Variants in CTNNA3 observed in about 807,000 individuals in gnomAD.
CTNNA3 encodes catenin alpha-3.
In CTNNA3, 76 loss-of-function variants were observed where a neutral mutation model predicts 95.7. The ratio of observed to expected loss-of-function variants is 0.79; its 90% CI spans 0.66 to 0.96. CTNNA3 has a LOEUF of 0.96. Among genes scored for constraint, CTNNA3 ranks in the 40% least tolerant of loss-of-function variants. The pLI, the probability that CTNNA3 is intolerant of heterozygous loss-of-function variation, is 0.00. For synonymous variants in CTNNA3, 431 were observed against 374.4 expected (o/e 1.15, Z -1.74); for missense variants, 1,191 against 1,089.8 (o/e 1.09, Z -1.31).
At chr10:66,161,987 C>A (rs958583170) in intron 13 of CTNNA3, among the ~76,000 whole-genome samples, 6 of 152,006 alleles carry the variant, frequency 3.9e-5, no homozygotes, top group Non-Finnish European at 8.8e-5. Flanking sequence ...TTGTTCAATT[C>A]TATTGATGAG....
In CTNNA3 at chr10:67,675,726, G is replaced by C. The variant is rs141503452; in HGVS notation, c.-6+20274C>G. On this transcript the variant is annotated intron_variant, in intron 1 of 17. Coordinates refer to ENST00000433211, the MANE Select transcript of CTNNA3 (RefSeq NM_013266.4). ...AGGAATTGCAAAGACACATGGCAAA[G>C]GGGATGGATATAGGGAGCAAGAGGA... Among the ~76,000 whole-genome samples, 109 of 152,270 alleles carry C rather than the reference G, an allele frequency of 7.2e-4. 2 individuals carry two copies. The East Asian group carries it at 0.018, about 25-fold the overall frequency.
chr10:67,166,536 G>T (rs1292008842), intron 7 of CTNNA3, among the ~76,000 whole-genome samples: 1 of 152,058 alleles, frequency 6.6e-6, no homozygotes, highest in Non-Finnish European at 1.5e-5. Flanking sequence ...CTTTGTAATA[G>T]AATCCATTAA....
At chr10:66,772,044 C>T (rs1443949155) in intron 8 of CTNNA3, among the ~76,000 whole-genome samples, 1 of 151,680 alleles carries the variant, frequency 6.6e-6, no homozygotes, top group African/African-American at 2.4e-5. Flanking sequence ...TCAAGCTGTA[C>T]AAGTCATATG....
intron 14 of CTNNA3, among the ~76,000 whole-genome samples, chr10:66,081,251 G>A (rs945976852): frequency 6.6e-6 from 1 of 152,130 alleles, no homozygotes; most frequent in Non-Finnish European, 1.5e-5. Context: ...TGACAAATTA[G>A]TTGAGTATGA....
At chr10:66,693,162 A>G (rs891854735) in intron 9 of CTNNA3, among the ~76,000 whole-genome samples, 2 of 152,162 alleles carry the variant, frequency 1.3e-5, no homozygotes, top group Non-Finnish European at 2.9e-5. Context: ...AAAGACACAG[A>G]CTGGCAAACT....
At chr10:66,937,594 G>A (rs1259092277) in intron 7 of CTNNA3, among the ~76,000 whole-genome samples, 1 of 152,044 alleles carries the variant, frequency 6.6e-6, no homozygotes, top group Non-Finnish European at 1.5e-5. Context: ...AGGGCATCTG[G>A]GCACGTAGTT....
chr10:66,554,678 T>C lies in CTNNA3; in HGVS notation c.1375-33905A>G, dbSNP rs184171501. Among the ~76,000 whole-genome samples, 9 of 152,264 alleles carry C rather than the reference T, an allele frequency of 5.9e-5. No individual in the cohort carries two copies. In the East Asian group the frequency reaches 1.7e-3, roughly 29 times the overall value. ...CAGCTATTTTTACCCTTCTAGGATT[T>C]CTATTTGGTCCTTTTAAAAAATGTA... On this transcript the variant is annotated intron_variant, in intron 10 of 17. Transcript: ENST00000433211.
intron 8 of CTNNA3, 85 bp downstream of exon 8, chr10:66,775,359 A>C: frequency 3.2e-6 from 3 of 929,456 alleles, no homozygotes; most frequent in Non-Finnish European, 5.0e-6. Context: ...TGAAAGGAAC[A>C]AAACAAGAAA....
At chr10:67,385,631 G>A (rs1053451255) in intron 5 of CTNNA3, among the ~76,000 whole-genome samples, 5 of 152,108 alleles carry the variant, frequency 3.3e-5, no homozygotes, top group African/African-American at 1.2e-4. Flanking sequence ...ATATATAGGA[G>A]AATTACCCAA....
chr10:66,838,040 G>A (rs1437798940), intron 7 of CTNNA3, among the ~76,000 whole-genome samples: 1 of 151,982 alleles, frequency 6.6e-6, no homozygotes, highest in Admixed American at 6.6e-5. Context: ...CTCATTCACT[G>A]CATCACCTAG....
At chr10:66,003,453 T>A (rs1360428219) in intron 15 of CTNNA3, among the ~76,000 whole-genome samples, 1 of 152,084 alleles carries the variant, frequency 6.6e-6, no homozygotes, top group Non-Finnish European at 1.5e-5. Context: ...ATACCTCAAT[T>A]TACCCTTTAC....
intron 1 of CTNNA3, among the ~76,000 whole-genome samples, chr10:67,660,993 G>T (rs1840168941): frequency 6.6e-6 from 1 of 151,328 alleles, no homozygotes; most frequent in Non-Finnish European, 1.5e-5. Context: ...TCACCTTTCA[G>T]ATTGGCAAAT....
At chr10:66,808,396 A>G (rs1841740422) in intron 7 of CTNNA3, among the ~76,000 whole-genome samples, 1 of 152,202 alleles carries the variant, frequency 6.6e-6, no homozygotes. Context: ...AAAAAGATAT[A>G]TCTGACCATA....
At chr10:66,351,801 A>C (rs933057512) in intron 12 of CTNNA3, among the ~76,000 whole-genome samples, 1 of 151,986 alleles carries the variant, frequency 6.6e-6, no homozygotes, top group Non-Finnish European at 1.5e-5. Context: ...AATATTAAAG[A>C]TCTCTCATAT....
intron 10 of CTNNA3, among the ~76,000 whole-genome samples, chr10:66,598,063 G>A (rs1843786388): frequency 6.6e-6 from 1 of 151,776 alleles, no homozygotes; most frequent in Non-Finnish European, 1.5e-5. Flanking sequence ...ACATTAAAAG[G>A]AACATTCAAC....
At chr10:66,644,475 TTA>T (rs201380903) in intron 9 of CTNNA3, among the ~76,000 whole-genome samples, 1 of 74,898 alleles carries the variant, frequency 1.3e-5, no homozygotes, top group African/African-American at 6.9e-5. Flanking sequence ...ATATATATGT[TTA>T]TATATATATA....
chr10:66,887,109 G>T (rs537852660), intron 7 of CTNNA3, among the ~76,000 whole-genome samples: 53 of 152,256 alleles, frequency 3.5e-4, no homozygotes, highest in African/African-American at 1.3e-3. Flanking sequence ...CATCACACCA[G>T]GAGAGCTGTC....
At chr10:66,878,289 C>T (rs1844702890) in intron 7 of CTNNA3, among the ~76,000 whole-genome samples, 1 of 152,084 alleles carries the variant, frequency 6.6e-6, no homozygotes, top group Non-Finnish European at 1.5e-5. Flanking sequence ...AAATCCGGCT[C>T]ACGGCAGCCT....
At chr10:66,196,086 T>C (rs1269691804) in intron 13 of CTNNA3, among the ~76,000 whole-genome samples, 2 of 152,142 alleles carry the variant, frequency 1.3e-5, no homozygotes, top group Non-Finnish European at 2.9e-5. Context: ...AAAAATTCTA[T>C]GTAGTTATTA....
Sources: gnomAD v4.1 joint callset for allele counts (sites outside exome capture counted in the v4.1 genomes callset) on GRCh38, gnomAD v4.1.1 for gene constraint, MANE v1.5 for transcripts, NCBI Gene and HGNC (gene_info 2026-07-23, HGNC 2026-07-21) for gene names.